Variants in GAPDHS observed in about 807,000 individuals in gnomAD.
The protein encoded by GAPDHS is glyceraldehyde-3-phosphate dehydrogenase, spermatogenic.
A neutral mutation model predicts 48.7 loss-of-function variants in GAPDHS; 42 were observed. The observed-to-expected ratio is 0.86, with a 90% confidence interval of 0.67 to 1.12. The LOEUF is 1.12. Ranked by LOEUF, GAPDHS falls within the 50% of genes most tolerant of loss-of-function variation. GAPDHS has a pLI of 0.00. For synonymous variants in GAPDHS, 166 were observed against 219.1 expected, an observed-to-expected ratio of 0.76 and a Z score of 2.14; for missense variants, 512 against 557.7, an observed-to-expected ratio of 0.92 and a Z score of 0.82.
Position 35,543,836 on chromosome 19 carries a change from T to C in GAPDHS, c.1056+9T>C. ...CCTACACCGAGGATGAGGTAGGGGC[T>C]GAGGAGAGGAGACCCTGGGAGGAGC... On this transcript the variant is annotated intron_variant, in intron 9 of 10. Transcript: ENST00000222286. The C allele has an allele frequency of 6.3e-7, 1 of 1,599,532 alleles. No homozygotes were observed. Among genetic ancestry groups the C allele is most frequent in the Non-Finnish European group, 8.5e-7 (1 of 1,173,294 alleles).
At chr19:35,543,881 T>G in intron 9 of GAPDHS, 54 bp downstream of exon 9, 1 of 1,502,572 alleles carries the variant, frequency 6.7e-7, no homozygotes, top group Non-Finnish European at 8.9e-7. Context: ...AGGGACATGA[T>G]TTCCACTTGC....
At chr19:35,537,683 C>T (rs2071474485) in intron 2 of GAPDHS, among the ~76,000 whole-genome samples, 1 of 152,226 alleles carries the variant, frequency 6.6e-6, no homozygotes, top group Non-Finnish European at 1.5e-5. Flanking sequence ...AGTTTGAGAC[C>T]AGCGTGGGCA....
intron 4 of GAPDHS, among the ~76,000 whole-genome samples, chr19:35,539,422 C>A (rs1600131694): frequency 1.3e-5 from 2 of 152,128 alleles, no homozygotes; most frequent in Non-Finnish European, 2.9e-5. Flanking sequence ...ATGCCCTGGG[C>A]CGAGAGAAGG....
In GAPDHS at chr19:35,542,344, AG is replaced by A. The variant is rs1215715113; in HGVS notation, c.478del (p.Ala160LeufsTer57). ...CAAAGAGCCCAAACAGATCCCCTGGAGGGCTGTCGGGAGCCCCTACGTGGTG... is the reference window on the plus strand; with the variant it reads ...CAAAGAGCCCAAACAGATCCCCTGGAGGCTGTCGGGAGCCCCTACGTGGTG... ...QCKEPKQIPWRAVGSPYVVES... is the reference protein window; with the variant it reads ...QCKEPKQIPWXAVGSPYVVES... On this transcript the variant is annotated frameshift_variant, in exon 5 of 11. Transcript: ENST00000222286. LOFTEE classifies it high-confidence loss of function. 1.9e-6 allele frequency: 3 copies of A among 1,612,284 alleles called. No homozygotes were observed. Among genetic ancestry groups the A allele is most frequent in the Non-Finnish European group, 2.5e-6 (3 of 1,179,330 alleles).
At chr19:35,542,220 G>A (rs2071508378) in intron 4 of GAPDHS, 99 bp from the exon 5 acceptor site, 1 of 795,608 alleles carries the variant, frequency 1.3e-6, no homozygotes, top group African/African-American at 1.7e-5. Context: ...GTTGCAGGTG[G>A]GCCGGTACCT....
chr19:35,536,768 C>T, intron 1 of GAPDHS, 45 bp from the exon 2 acceptor site: 1 of 1,486,892 alleles, frequency 6.7e-7, no homozygotes, highest in South Asian at 1.2e-5. Flanking sequence ...TGTTCTCTTT[C>T]ACTTTGGTGG....
In GAPDHS at chr19:35,533,741, A is replaced by G. The variant is rs1600128338; in HGVS notation, c.67+147A>G. 1.2e-5 allele frequency: 7 copies of G among 599,882 alleles called. No homozygotes were observed. The East Asian group carries it at 2.2e-4, about 19-fold the overall frequency. 37.2% of individuals were successfully genotyped at this position (599,882 alleles called of 1,614,324 possible). On this transcript the variant is annotated intron_variant, in intron 1 of 10. Transcript: ENST00000222286. Reference sequence around the variant, plus strand: ...GGGATCAGCCGCTCTCCCTCCCTCCACACCCGCCAGTGTGCTGGCAGAGTG... The same window carrying G: ...GGGATCAGCCGCTCTCCCTCCCTCCGCACCCGCCAGTGTGCTGGCAGAGTG...
In GAPDHS at chr19:35,545,159, C is replaced by T. The variant is rs1568310026; in HGVS notation, c.1216C>T (p.Arg406Ter). 3.7e-6 allele frequency: 6 copies of T among 1,613,086 alleles called. 1 individual carries two copies. Among genetic ancestry groups the T allele is most frequent in the South Asian group, 3.3e-5 (3 of 91,056 alleles). Residue 406 changes from arginine (R) to a stop codon, truncating the protein, a stop_gained, in exon 11 of 11, where the codon CGA becomes TGA. Transcript: ENST00000222286. LOFTEE classifies it high-confidence loss of function. ...CGACCTCCTCCGCTACATGTTCAGC[C>T]GAGACAAGTGAAACGGGAAGGTCCT... ...VVDLLRYMFS[R>*]DK
intron 1 of GAPDHS, among the ~76,000 whole-genome samples, chr19:35,534,392 C>G (rs1214584720): frequency 6.6e-6 from 1 of 152,188 alleles, no homozygotes; most frequent in Non-Finnish European, 1.5e-5. Context: ...GACTTGAACC[C>G]CTGCCCTGCG....
At position 35,542,515 on chromosome 19, in the gene GAPDHS, G is replaced by A. The variant is rs750934612; in HGVS notation, c.566G>A (p.Arg189His). The A allele has an allele frequency of 6.2e-6, 10 of 1,613,776 alleles. No homozygotes were observed. Among genetic ancestry groups the A allele is most frequent in the Non-Finnish European group, 7.6e-6 (9 of 1,179,804 alleles). ...GACCACATCTCTGCAGGTGCTCAAC[G>A]TGTGGTCATCTCCGCGCCCTCACCG... ...ASDHISAGAQ[R>H]VVISAPSPDA... Residue 189 changes from arginine (R) to histidine (H), a missense_variant, in exon 6 of 11, where the codon CGT becomes CAT. Physicochemically the swap from Arg to His is conservative, Grantham distance 29. Transcript: ENST00000222286.
intron 1 of GAPDHS, 119 bp from the exon 2 acceptor site, chr19:35,536,688 AACACTG>A (rs2071468014): frequency 8.3e-6 from 6 of 721,358 alleles, no homozygotes; most frequent in Non-Finnish European, 1.4e-5. Context: ...GGGTTTGGGA[AACACTG>A]GGCTAAATGG....
At chr19:35,537,955 A>G (rs1276378385) in intron 2 of GAPDHS, among the ~76,000 whole-genome samples, 2 of 152,154 alleles carry the variant, frequency 1.3e-5, no homozygotes, top group Non-Finnish European at 2.9e-5. Flanking sequence ...ACGCGCCTGT[A>G]GTCCCAGCTA....
intron 7 of GAPDHS, 29 bp downstream of exon 7, chr19:35,543,055 G>A: frequency 6.5e-7 from 1 of 1,541,330 alleles, no homozygotes; most frequent in Non-Finnish European, 9.0e-7. Flanking sequence ...GCTGGGGCAG[G>A]AAGGATGGCA....
intron 1 of GAPDHS, 66 bp downstream of exon 1, chr19:35,533,660 A>C: frequency 8.1e-7 from 1 of 1,235,548 alleles, no homozygotes; most frequent in Non-Finnish European, 1.2e-6. Flanking sequence ...CTGCACCCTC[A>C]CACCTGTGCC....
chr19:35,539,082 A>G (rs1293992493), intron 4 of GAPDHS, among the ~76,000 whole-genome samples: 3 of 152,298 alleles, frequency 2.0e-5, no homozygotes, highest in African/African-American at 7.2e-5. Context: ...TTTTTTGTAG[A>G]GATGAGGTCT....
chr19:35,534,582 G>A (rs2071453386), intron 1 of GAPDHS, among the ~76,000 whole-genome samples: 1 of 152,116 alleles, frequency 6.6e-6, no homozygotes, highest in Non-Finnish European at 1.5e-5. Flanking sequence ...GAGAGTGCAA[G>A]GCTGGGAGTG....
chr19:35,543,236 G>A, intron 7 of GAPDHS, 104 bp from the exon 8 acceptor site: 3 of 1,339,404 alleles, frequency 2.2e-6, no homozygotes, highest in Non-Finnish European at 3.2e-6. Flanking sequence ...TGTGGTGGTG[G>A]CCCCACCAGC....
chr19:35,544,943 C>T lies in GAPDHS; in HGVS notation c.1091C>T (p.Ser364Leu). 6 of 1,613,506 alleles carry T rather than the reference C, an allele frequency of 3.7e-6. No homozygotes were observed. Among genetic ancestry groups the T allele is most frequent in the Middle Eastern group, 1.6e-4 (1 of 6,062 alleles). Residue 364 changes from serine to leucine, a missense_variant, in exon 10 of 11, where the codon TCG becomes TTG. Coordinates refer to ENST00000222286, the MANE Select transcript of GAPDHS (RefSeq NM_014364.5). ...ACGGACTTCCTCGGTGATACCCACT[C>T]GTCCATCTTCGATGCTAAGGCCGGC... ...VSTDFLGDTH[S>L]SIFDAKAGIA...
In GAPDHS at chr19:35,545,174, G is replaced by T. The variant is rs201160365; in HGVS notation, c.*4G>T. ...CATGTTCAGCCGAGACAAGTGAAAC[G>T]GGAAGGTCCTTTCTTTCCTTCCCAG... On this transcript the variant is annotated 3_prime_UTR_variant, in exon 11 of 11. Transcript: ENST00000222286. The T allele has an allele frequency of 6.2e-7, 1 of 1,611,058 alleles. No individual in the cohort carries two copies. The highest frequency in any genetic ancestry group is 1.7e-5 in the Admixed American group (1 of 60,032).
Sources: allele counts gnomAD v4.1 joint callset (sites outside exome capture counted in the v4.1 genomes callset), GRCh38; gene constraint gnomAD v4.1.1; transcripts MANE v1.5; gene names NCBI Gene and HGNC (gene_info 2026-07-23, HGNC 2026-07-21).